CASK: variants seen among roughly 807,000 people sequenced by gnomAD.
CASK encodes the protein calcium/calmodulin dependent serine protein kinase.
CASK carries 4 observed loss-of-function variants against 82.9 expected under a neutral mutation model. The ratio of observed to expected loss-of-function variants is 0.05; its 90% CI spans 0.02 to 0.11. CASK has a LOEUF of 0.11. Ranked by LOEUF, CASK falls within the 10% of genes least tolerant of loss-of-function variation. The pLI is 1.00. For synonymous variants in CASK, 259 were observed against 253.5 expected (o/e 1.02, Z -0.20); for missense variants, 358 against 720.9 (o/e 0.50, Z 5.76).
At chrX:41,899,588 G>A (rs904326861) in intron 1 of CASK, among the ~76,000 whole-genome samples, 1 of 110,623 alleles carries the variant, frequency 9.0e-6, no homozygotes, top group Non-Finnish European at 1.9e-5. Flanking sequence ...TGTGCCATGA[G>A]GTGTACATAA....
chrX:41,903,787 C>A (rs1329309079), intron 1 of CASK, among the ~76,000 whole-genome samples: 1 of 111,984 alleles, frequency 8.9e-6, no homozygotes, highest in Admixed American at 9.4e-5. Context: ...TCTGCACTGT[C>A]TACCATGCAG....
At chrX:41,801,565 C>T (rs2069998226) in intron 2 of CASK, among the ~76,000 whole-genome samples, 1 of 111,525 alleles carries the variant, frequency 9.0e-6, no homozygotes, top group African/African-American at 3.3e-5. Flanking sequence ...ATAAGGCGAG[C>T]CAGTAAGAAG....
intron 8 of CASK, among the ~76,000 whole-genome samples, chrX:41,647,129 C>A (rs1173499351): frequency 8.9e-6 from 1 of 111,757 alleles, no homozygotes; most frequent in Non-Finnish European, 1.9e-5. Flanking sequence ...AACAAGGCAT[C>A]GATCAAAAAT....
chrX:41,903,585 T>C (rs2072420611), intron 1 of CASK, among the ~76,000 whole-genome samples: 1 of 111,981 alleles, frequency 8.9e-6, no homozygotes, highest in Admixed American at 9.4e-5. Context: ...TGTTGAGGAC[T>C]CCTAGTAGAA....
intron 1 of CASK, among the ~76,000 whole-genome samples, chrX:41,891,590 CTT>C (rs2072171655): frequency 9.0e-6 from 1 of 111,666 alleles, no homozygotes; most frequent in African/African-American, 3.3e-5. Flanking sequence ...TATCTGTAGA[CTT>C]TTTTTATACT....
At chrX:41,711,404 A>C (rs1240619388) in intron 5 of CASK, among the ~76,000 whole-genome samples, 2 of 111,940 alleles carry the variant, frequency 1.8e-5, no homozygotes, top group Admixed American at 9.5e-5. Context: ...AATTGGTTTC[A>C]GTGAGGTAGG....
chrX:41,533,682 G>A (rs779242816), intron 24 of CASK, among the ~76,000 whole-genome samples: 4 of 111,449 alleles, frequency 3.6e-5, no homozygotes, highest in African/African-American at 9.8e-5. Context: ...TTTTTGAGAC[G>A]GAGTTTCACT....
rs1269555881 is a variant in CASK, at chrX:41,722,458, T to C, written c.429+16926A>G. ...CCAATCACCATCCTGTGAGGACAGA[T>C]GGCTGTGTGACCTTGGGCAACTTAT... On this transcript the variant is annotated intron_variant, in intron 5 of 26. Coordinates refer to ENST00000378163, the MANE Select transcript of CASK (RefSeq NM_001367721.1). 2.7e-5 allele frequency among the ~76,000 whole-genome samples: 3 copies of C among 112,866 alleles called. No individual in the cohort carries two copies. In the Admixed American group the frequency reaches 2.8e-4, roughly 11 times the overall value.
intron 5 of CASK, among the ~76,000 whole-genome samples, chrX:41,679,447 C>G (rs1000676725): frequency 1.8e-5 from 2 of 112,084 alleles, no homozygotes; most frequent in Admixed American, 1.9e-4. Flanking sequence ...ATCAGTAGTT[C>G]ATTTCTTTTT....
chrX:41,531,481 C>T (rs1014267190), intron 24 of CASK, among the ~76,000 whole-genome samples: 1 of 111,966 alleles, frequency 8.9e-6, no homozygotes, highest in African/African-American at 3.3e-5. Flanking sequence ...CCTTCATGAA[C>T]CACCACAGGA....
chrX:41,885,372 CAAGTA>C (rs76599732), intron 1 of CASK, among the ~76,000 whole-genome samples: 17,750 of 111,073 alleles, frequency 0.16, 1,393 homozygotes, highest in Middle Eastern at 0.3. Context: ...GAAAATTTGT[CAAGTA>C]AAGATTTCTA....
chrX:41,602,671 T>C (rs908705782), intron 12 of CASK, among the ~76,000 whole-genome samples: 1 of 110,272 alleles, frequency 9.1e-6, no homozygotes, highest in Non-Finnish European at 1.9e-5. Context: ...TGTTCCTGGT[T>C]CTATCAGTTT....
At chrX:41,872,154 C>T (rs1369699127) in intron 1 of CASK, among the ~76,000 whole-genome samples, 2 of 112,654 alleles carry the variant, frequency 1.8e-5, no homozygotes, top group Non-Finnish European at 3.8e-5. Context: ...GTGGTTGTGA[C>T]AAAAACGGTA....
chrX:41,821,618 C>A (rs1318779812), intron 2 of CASK, among the ~76,000 whole-genome samples: 2 of 111,980 alleles, frequency 1.8e-5, no homozygotes, highest in Non-Finnish European at 3.8e-5. Flanking sequence ...TTTACTCAGC[C>A]CCAAAGTGGA....
chrX:41,806,459 G>A (rs1328559763), intron 2 of CASK, among the ~76,000 whole-genome samples: 4 of 112,328 alleles, frequency 3.6e-5, no homozygotes, highest in African/African-American at 1.3e-4. Flanking sequence ...CAGCTACTGT[G>A]AGAGGTACAC....
chrX:41,728,942 TA>T (rs1461886154), intron 5 of CASK: 4 of 123,115 alleles, frequency 3.2e-5, no homozygotes, highest in African/African-American at 3.3e-5. Flanking sequence ...ATGATACTTA[TA>T]AAAATGCTTA....
chrX:41,866,157 A>G (rs1223890628), intron 1 of CASK, among the ~76,000 whole-genome samples: 2 of 111,915 alleles, frequency 1.8e-5, no homozygotes, highest in Admixed American at 1.9e-4. Context: ...TCATGGCCCC[A>G]GTTGTAGAGC....
intron 8 of CASK, among the ~76,000 whole-genome samples, chrX:41,644,797 T>C (rs1303918327): frequency 1.8e-5 from 2 of 111,838 alleles, no homozygotes; most frequent in Middle Eastern, 4.2e-3. Flanking sequence ...TTGTCTCTTA[T>C]GGTCAAGATT....
At chrX:41,550,770 GT>G (rs1304486000) in intron 21 of CASK, among the ~76,000 whole-genome samples, 3 of 109,282 alleles carry the variant, frequency 2.7e-5, no homozygotes, top group Non-Finnish European at 5.7e-5. Context: ...AATTAGCTGG[GT>G]GTGGTGGTGC....
Sources: gnomAD v4.1 joint callset for allele counts (sites outside exome capture counted in the v4.1 genomes callset) on GRCh38, gnomAD v4.1.1 for gene constraint, MANE v1.5 for transcripts, NCBI Gene and HGNC (gene_info 2026-07-23, HGNC 2026-07-21) for gene names.